Variants in PDE6A observed in about 807,000 individuals in gnomAD.
PDE6A encodes phosphodiesterase 6A.
In PDE6A, 84 loss-of-function variants were observed where a neutral mutation model predicts 106.3. The ratio of observed to expected loss-of-function variants is 0.79; its 90% CI spans 0.66 to 0.95. The LOEUF is 0.95. Among genes scored for constraint, PDE6A ranks in the 40% least tolerant of loss-of-function variants. The pLI, the probability that PDE6A is intolerant of heterozygous loss-of-function variation, is 0.00. For synonymous variants in PDE6A, 394 were observed against 386.6 expected (o/e 1.02, Z -0.23); for missense variants, 1,052 against 1,084.9 (o/e 0.97, Z 0.43).
At chr5:149,927,980 C>T (rs1363163278) in intron 4 of PDE6A, among the ~76,000 whole-genome samples, 3 of 151,592 alleles carry the variant, frequency 2.0e-5, no homozygotes, top group Non-Finnish European at 4.4e-5. Flanking sequence ...GGCAAAAACA[C>T]GCATGGAGCT....
At chr5:149,903,313 T>G (rs573956656) in intron 8 of PDE6A, among the ~76,000 whole-genome samples, 1 of 149,816 alleles carries the variant, frequency 6.7e-6, no homozygotes, top group African/African-American at 2.4e-5. Context: ...TATACAATAT[T>G]GTATAATTGT....
chr5:149,942,948 A>T (rs1459852204), intron 1 of PDE6A, among the ~76,000 whole-genome samples: 2 of 151,608 alleles, frequency 1.3e-5, no homozygotes, highest in Non-Finnish European at 2.9e-5. Flanking sequence ...GAGACATTCC[A>T]TTCCCAGGGA....
At chr5:149,931,996 G>T in intron 3 of PDE6A, 8 of 1,469,736 alleles carry the variant, frequency 5.4e-6, no homozygotes, top group Non-Finnish European at 7.6e-6. Flanking sequence ...ATTTTTGAGA[G>T]CTGATGTTAC....
chr5:149,908,170 A>G (rs1041480668), intron 6 of PDE6A, among the ~76,000 whole-genome samples: 6 of 152,180 alleles, frequency 3.9e-5, no homozygotes, highest in Admixed American at 2.0e-4. Flanking sequence ...GCTGTAATTC[A>G]TTCATTTTAC....
intron 3 of PDE6A, chr5:149,932,576 C>T (rs1299823222): frequency 6.5e-7 from 1 of 1,549,976 alleles, no homozygotes; most frequent in East Asian, 2.2e-5. Context: ...TGGCGTTTGG[C>T]GGTGCTACTT....
intron 4 of PDE6A, among the ~76,000 whole-genome samples, chr5:149,929,609 A>AAAATAAATAAATAAATAAAT (rs370987088): frequency 4.1e-5 from 6 of 145,296 alleles, no homozygotes; most frequent in African/African-American, 1.3e-4. Flanking sequence ...TCCGTCTCAA[A>AAAATAAATAAATAAATAAAT]AAATAAATAA....
At position 149,934,029 on chromosome 5, in the gene PDE6A, A is replaced by G; in HGVS notation, c.628-10T>C. The G allele has an allele frequency of 6.6e-7, 1 of 1,521,688 alleles. No homozygotes were observed. The allele number at this position is 1,521,688 out of a possible 1,614,324, so 94.3% of individuals were successfully genotyped here. On this transcript the variant is annotated splice_polypyrimidine_tract_variant and intron_variant, in intron 2 of 21. Transcript: ENST00000255266. ...GGTACTTGAGAAGAATCTAAAAATC[A>G]AACAGCATGAGGGGAGGCAGGTGAG...
chr5:149,886,657 G>A (rs895938697), intron 13 of PDE6A, among the ~76,000 whole-genome samples: 4 of 152,108 alleles, frequency 2.6e-5, no homozygotes, highest in African/African-American at 9.7e-5. Flanking sequence ...TCTGAACCTC[G>A]GTAGCCCAAT....
Position 149,944,060 on chromosome 5 carries a change from G to T in PDE6A, c.474+140C>A, listed in dbSNP as rs142320027. On this transcript the variant is annotated intron_variant, in intron 1 of 21. Coordinates refer to ENST00000255266, the MANE Select transcript of PDE6A (RefSeq NM_000440.3). ...TTTTTTTCAAAATAAAGAATTATGA[G>T]TAAATATGTAAATAAATAAAGAAGA... 746 of 666,522 alleles carry T rather than the reference G, an allele frequency of 1.1e-3. 5 individuals carry two copies. In the African/African-American group the frequency reaches 0.012, roughly 11 times the overall value. 41.3% of individuals were successfully genotyped at this position (666,522 alleles called of 1,614,324 possible). A position where few individuals can be genotyped will look rare whatever the true frequency, so the allele number is the denominator to read the frequency against.
chr5:149,928,047 G>A (rs1181103909), intron 4 of PDE6A, among the ~76,000 whole-genome samples: 1 of 151,214 alleles, frequency 6.6e-6, no homozygotes, highest in Non-Finnish European at 1.5e-5. Flanking sequence ...GGACCTGCCT[G>A]AGGCTGTTTT....
rs201189175 is a variant in PDE6A at position 149,906,836 on chromosome 5, AT to A, written c.1065+475del. On this transcript the variant is annotated intron_variant, in intron 7 of 21. Transcript: ENST00000255266. ...GCCCAGGCTGGAGTGCAATGGCATGATTTCGGCTCACTGCAACCTCCGCCTC... is the reference window on the plus strand; with the variant it reads ...GCCCAGGCTGGAGTGCAATGGCATGATTCGGCTCACTGCAACCTCCGCCTC... 2.2e-3 allele frequency among the ~76,000 whole-genome samples: 328 copies of A among 152,034 alleles called. 3 individuals are homozygous for A. The highest frequency in any genetic ancestry group is 7.4e-3 in the African/African-American group (308 of 41,480).
At chr5:149,923,182 C>G (rs982037402) in intron 4 of PDE6A, among the ~76,000 whole-genome samples, 1 of 152,144 alleles carries the variant, frequency 6.6e-6, no homozygotes, top group Admixed American at 6.6e-5. Flanking sequence ...CTCATATAAA[C>G]TCTGTTGAAT....
chr5:149,864,727 G>A (rs888483137), intron 20 of PDE6A, among the ~76,000 whole-genome samples: 1 of 152,140 alleles, frequency 6.6e-6, no homozygotes, highest in East Asian at 1.9e-4. Flanking sequence ...GCAAATCCAC[G>A]GCCCGCTGTG....
In PDE6A at chr5:149,934,778, C is replaced by T. The variant is rs992923017; in HGVS notation, c.475-60G>A. ...ATGAAGAGCAAGAACAGTGGAACGG[C>T]CCAAAGCCCCTGTTGACAAGGGAAT... On this transcript the variant is annotated intron_variant, in intron 1 of 21. Transcript: ENST00000255266. The T allele has an allele frequency of 2.3e-5, 36 of 1,551,022 alleles. No individual in the cohort carries two copies. The African/African-American group carries it at 4.6e-4, about 20-fold the overall frequency.
chr5:149,916,465 C>G (rs569790906), intron 5 of PDE6A, among the ~76,000 whole-genome samples: 21 of 152,294 alleles, frequency 1.4e-4, no homozygotes, highest in African/African-American at 4.8e-4. Flanking sequence ...CAGCTGTTCT[C>G]TTTGCTGTGT....
intron 5 of PDE6A, among the ~76,000 whole-genome samples, chr5:149,920,670 G>A (rs960105167): frequency 6.6e-6 from 1 of 152,098 alleles, no homozygotes; most frequent in Non-Finnish European, 1.5e-5. Context: ...AATCAAATTT[G>A]CCCTGCTGGA....
At chr5:149,942,880 G>GCATGTCCAACT (rs1165319860) in intron 1 of PDE6A, among the ~76,000 whole-genome samples, 1 of 151,946 alleles carries the variant, frequency 6.6e-6, no homozygotes, top group East Asian at 1.9e-4. Context: ...CCCACCTCCA[G>GCATGTCCAACT]CCATAAGGCA....
At chr5:149,921,611 C>A (rs1333744039) in intron 5 of PDE6A, 24 bp downstream of exon 5, 1 of 1,580,784 alleles carries the variant, frequency 6.3e-7, no homozygotes, top group Admixed American at 1.7e-5. Flanking sequence ...TTAAATCATA[C>A]TGAAAAGGTC....
At chr5:149,866,084 G>A (rs1760320355) in intron 20 of PDE6A, 86 bp downstream of exon 20, 2 of 960,944 alleles carry the variant, frequency 2.1e-6, no homozygotes, top group East Asian at 4.8e-5. Context: ...CTGGTCACCT[G>A]CTAGGGTTTA....
Sources: gnomAD v4.1 joint callset for allele counts (sites outside exome capture counted in the v4.1 genomes callset) on GRCh38, gnomAD v4.1.1 for gene constraint, MANE v1.5 for transcripts, NCBI Gene and HGNC (gene_info 2026-07-23, HGNC 2026-07-21) for gene names.